Variants in DGKB observed in about 807,000 individuals in gnomAD.
DGKB encodes diacylglycerol kinase beta, also known as 90 kDa diacylglycerol kinase.
DGKB carries 67 observed loss-of-function variants against 114.3 expected under a neutral mutation model. That is an observed-to-expected ratio of 0.59 (90% CI 0.48 to 0.72). DGKB has a LOEUF of 0.72. Among genes scored for constraint, DGKB ranks in the 30% least tolerant of loss-of-function variants. DGKB has a pLI of 0.00. For synonymous variants in DGKB, 398 were observed against 323.1 expected, an observed-to-expected ratio of 1.23 and a Z score of -2.49; for missense variants, 907 against 975.2, an observed-to-expected ratio of 0.93 and a Z score of 0.93.
chr7:14,485,350 C>T (rs1052835885), intron 20 of DGKB, among the ~76,000 whole-genome samples: 2 of 150,948 alleles, frequency 1.3e-5, no homozygotes, highest in African/African-American at 4.9e-5. Flanking sequence ...GACAGGAACT[C>T]AGATGCATTA....
chr7:14,730,335 G>C (rs898792430), intron 5 of DGKB, among the ~76,000 whole-genome samples: 1 of 152,184 alleles, frequency 6.6e-6, no homozygotes, highest in Non-Finnish European at 1.5e-5. Flanking sequence ...ATGGTGTCTT[G>C]TAAAAGTACC....
chr7:14,734,878 T>C (rs113947575), intron 5 of DGKB, among the ~76,000 whole-genome samples: 2 of 152,186 alleles, frequency 1.3e-5, no homozygotes, highest in South Asian at 2.1e-4. Flanking sequence ...AGACATTTCT[T>C]CATTGCCAGT....
At chr7:14,832,569 G>A (rs1007474839) in intron 2 of DGKB, among the ~76,000 whole-genome samples, 1 of 151,942 alleles carries the variant, frequency 6.6e-6, no homozygotes, top group South Asian at 2.1e-4. Flanking sequence ...AAATGATAAA[G>A]ACTCGGGATG....
At chr7:14,461,856 G>C (rs1159640216) in intron 21 of DGKB, among the ~76,000 whole-genome samples, 2 of 152,080 alleles carry the variant, frequency 1.3e-5, no homozygotes, top group Non-Finnish European at 2.9e-5. Context: ...AAAATCCTCA[G>C]TAAAATACTG....
chr7:14,643,912 C>A (rs955618273), intron 13 of DGKB, among the ~76,000 whole-genome samples: 1 of 152,140 alleles, frequency 6.6e-6, no homozygotes, highest in African/African-American at 2.4e-5. Context: ...GGGGCTGCTG[C>A]GCACCTTTGC....
chr7:14,203,158 A>T (rs1318030092), intron 23 of DGKB, among the ~76,000 whole-genome samples: 1 of 149,144 alleles, frequency 6.7e-6, no homozygotes. Context: ...AAAGAGCAGT[A>T]GCCAAAAAAA....
intron 2 of DGKB, among the ~76,000 whole-genome samples, chr7:14,788,514 C>A (rs1195348379): frequency 2.0e-5 from 3 of 152,148 alleles, no homozygotes; most frequent in African/African-American, 7.2e-5. Flanking sequence ...TACACTCCAA[C>A]ACCTTTTTTA....
chr7:14,396,434 G>A (rs998155430), intron 21 of DGKB, among the ~76,000 whole-genome samples: 1 of 151,990 alleles, frequency 6.6e-6, no homozygotes, highest in Admixed American at 6.6e-5. Flanking sequence ...CTTACCATCA[G>A]GGACTCCATT....
At chr7:14,524,036 A>G (rs910123933) in intron 20 of DGKB, among the ~76,000 whole-genome samples, 13 of 152,182 alleles carry the variant, frequency 8.5e-5, no homozygotes, top group Admixed American at 3.3e-4. Context: ...CGGGCATATC[A>G]AATCAGCTGA....
In DGKB at chr7:14,184,191, C is replaced by T. The variant is rs1201980053; in HGVS notation, c.2123-6040G>A. 2.6e-5 allele frequency among the ~76,000 whole-genome samples: 4 copies of T among 152,134 alleles called. 1 individual carries two copies. ...TGCCTGGCACCATACCACAGGGATC[C>T]AACGGGAGGGTGACCAGAGGAGCAG... On this transcript the variant is annotated intron_variant, in intron 23 of 25. Coordinates refer to ENST00000402815, the MANE Select transcript of DGKB (RefSeq NM_001350709.2).
At position 14,729,324 on chromosome 7, in the gene DGKB, G is replaced by T. The variant is rs188311572; in HGVS notation, c.322+6717C>A. Among the ~76,000 whole-genome samples, 54 of 151,126 alleles carry T rather than the reference G, an allele frequency of 3.6e-4. 1 individual carries two copies. The South Asian group carries it at 8.4e-3, about 23-fold the overall frequency. On this transcript the variant is annotated intron_variant, in intron 5 of 25. Transcript: ENST00000402815. The stretch of plus-strand genomic sequence containing the variant: ...TTTTTAGTAGAGACCAGGTTTCACC[G>T]TGTTAGCCAGGATGGTCTCGATCTC...
At chr7:14,859,102 G>A (rs1850597857) in intron 1 of DGKB, among the ~76,000 whole-genome samples, 1 of 152,098 alleles carries the variant, frequency 6.6e-6, no homozygotes, top group Non-Finnish European at 1.5e-5. Context: ...TTCACCAGGA[G>A]CAAAAGAGAG....
chr7:14,337,957 T>C (rs1427622104), intron 23 of DGKB, among the ~76,000 whole-genome samples: 1 of 152,164 alleles, frequency 6.6e-6, no homozygotes, highest in Admixed American at 6.6e-5. Context: ...TTTAGGTCTT[T>C]GCTTTCTGTT....
intron 1 of DGKB, among the ~76,000 whole-genome samples, chr7:14,888,760 T>C (rs1328689397): frequency 1.3e-5 from 2 of 151,692 alleles, no homozygotes; most frequent in African/African-American, 2.4e-5. Context: ...GGGTAGAACA[T>C]TGTTGTGAAA....
intron 2 of DGKB, among the ~76,000 whole-genome samples, chr7:14,838,523 ACTCT>A (rs201519536): frequency 0.013 from 1,916 of 150,586 alleles, 32 homozygotes; most frequent in Non-Finnish European, 0.014. Flanking sequence ...ATTTCAGATC[ACTCT>A]CTCTCTTCCC....
At chr7:14,166,872 G>A (rs1343063924) in intron 25 of DGKB, among the ~76,000 whole-genome samples, 2 of 152,082 alleles carry the variant, frequency 1.3e-5, no homozygotes, top group East Asian at 3.9e-4. Flanking sequence ...TACAAAAATA[G>A]GAAAGAAGGG....
chr7:14,221,425 T>C (rs1584538149), intron 23 of DGKB, among the ~76,000 whole-genome samples: 1 of 151,322 alleles, frequency 6.6e-6, no homozygotes, highest in East Asian at 1.9e-4. Context: ...GTGTACTGAG[T>C]TGATCATGTG....
chr7:14,766,947 C>G (rs1836544635), intron 2 of DGKB, among the ~76,000 whole-genome samples: 1 of 151,626 alleles, frequency 6.6e-6, no homozygotes, highest in Admixed American at 6.6e-5. Context: ...TCATTTGTGT[C>G]CCTTTCAAGG....
intron 5 of DGKB, among the ~76,000 whole-genome samples, chr7:14,723,586 T>TAG (rs1276972353): frequency 2.7e-5 from 4 of 148,360 alleles, no homozygotes; most frequent in African/African-American, 1.1e-4. Context: ...TGTGTGTGTA[T>TAG]ATACACATAC....
Sources: gnomAD v4.1 joint callset for allele counts (sites outside exome capture counted in the v4.1 genomes callset) on GRCh38, gnomAD v4.1.1 for gene constraint, MANE v1.5 for transcripts, NCBI Gene and HGNC (gene_info 2026-07-23, HGNC 2026-07-21) for gene names.